USP34: variants seen among roughly 807,000 people sequenced by gnomAD.
The protein encoded by USP34 is ubiquitin carboxyl-terminal hydrolase 34.
In USP34, 70 loss-of-function variants were observed where a neutral mutation model predicts 460.3. The ratio of observed to expected loss-of-function variants is 0.15; its 90% CI spans 0.13 to 0.19. The LOEUF (loss-of-function observed/expected upper bound fraction) is 0.19, where lower values mean the gene tolerates loss of function less well. USP34 is among the 10% of genes least tolerant of loss of function. The pLI, the probability that USP34 is intolerant of heterozygous loss-of-function variation, is 1.00. For synonymous variants in USP34, 1,647 were observed against 1,405.3 expected (o/e 1.17, Z -3.85); for missense variants, 3,985 against 4,236.2 (o/e 0.94, Z 1.65).
At chr2:61,361,555 T>C (rs569117727) in intron 10 of USP34, among the ~76,000 whole-genome samples, 5 of 152,294 alleles carry the variant, frequency 3.3e-5, no homozygotes, top group South Asian at 2.1e-4. Flanking sequence ...GAACATATGA[T>C]AGGGAAAGGA....
chr2:61,241,690 T>G lies in USP34; in HGVS notation c.6682-35A>C. ...GCAAGAAAAAAATTTATTTTCATTTTGACAAAGTATTACTCTAAAAGTAGA... is the reference window on the plus strand; with the variant it reads ...GCAAGAAAAAAATTTATTTTCATTTGGACAAAGTATTACTCTAAAAGTAGA... On this transcript the variant is annotated intron_variant, in intron 52 of 79. Coordinates refer to ENST00000398571, the MANE Select transcript of USP34 (RefSeq NM_014709.4). The G allele has an allele frequency of 2.6e-6, 4 of 1,545,638 alleles. No homozygotes were observed. In the South Asian group the frequency reaches 3.6e-5, roughly 14 times the overall value.
At chr2:61,347,174 T>C (rs1691797119) in intron 15 of USP34, among the ~76,000 whole-genome samples, 1 of 151,796 alleles carries the variant, frequency 6.6e-6, no homozygotes, top group Admixed American at 6.6e-5. Flanking sequence ...AATAAATCAA[T>C]AAATATTTTA....
At chr2:61,308,072 A>G (rs1016703831) in intron 27 of USP34, among the ~76,000 whole-genome samples, 1 of 152,052 alleles carries the variant, frequency 6.6e-6, no homozygotes, top group African/African-American at 2.4e-5. Flanking sequence ...AATAAAAACA[A>G]AGTAACAGAA....
At chr2:61,446,104 ACT>A (rs1307876774) in intron 1 of USP34, among the ~76,000 whole-genome samples, 1 of 118,208 alleles carries the variant, frequency 8.5e-6, no homozygotes. Flanking sequence ...ACAGAGTCAG[ACT>A]CTGTCTCAAA....
At chr2:61,248,456 C>T in intron 49 of USP34, 55 bp downstream of exon 49, 1 of 1,474,266 alleles carries the variant, frequency 6.8e-7, no homozygotes, top group South Asian at 1.5e-5. Flanking sequence ...TTATGCCTAC[C>T]TTGTTATGGA....
chr2:61,465,490 CTG>C (rs2104115196), intron 1 of USP34, among the ~76,000 whole-genome samples: 1 of 152,340 alleles, frequency 6.6e-6, no homozygotes, highest in East Asian at 1.9e-4. Flanking sequence ...ATCAAAAAGT[CTG>C]TGCATATCTA....
chr2:61,298,176 A>C (rs1690093608), intron 29 of USP34, among the ~76,000 whole-genome samples: 1 of 151,878 alleles, frequency 6.6e-6, no homozygotes, highest in South Asian at 2.1e-4. Context: ...GGCCAAACCT[A>C]TCTTATTCAG....
At chr2:61,366,503 C>T (rs1422338867) in intron 10 of USP34, among the ~76,000 whole-genome samples, 2 of 152,110 alleles carry the variant, frequency 1.3e-5, no homozygotes, top group Non-Finnish European at 2.9e-5. Flanking sequence ...GAGATCTTCC[C>T]TGGGGGAGAA....
At chr2:61,243,780 A>G (rs1688343971) in intron 51 of USP34, among the ~76,000 whole-genome samples, 1 of 151,828 alleles carries the variant, frequency 6.6e-6, no homozygotes, top group Non-Finnish European at 1.5e-5. Flanking sequence ...CCGAGGCAGG[A>G]GAATCACTTG....
intron 62 of USP34, among the ~76,000 whole-genome samples, chr2:61,226,102 C>T (rs773903891): frequency 1.3e-5 from 2 of 152,182 alleles, no homozygotes; most frequent in Non-Finnish European, 2.9e-5. Context: ...GTTGGGACTA[C>T]AGGCGTGTGC....
chr2:61,283,268 A>C lies in USP34; in HGVS notation c.4875T>G (p.Val1625=). Residue 1625 remains valine, a splice_region_variant and synonymous_variant, in exon 37 of 80, where the codon GTT becomes GTG. Transcript: ENST00000398571. The part of the protein sequence containing the change: ...AQSDHRSRHE[V]SHYSMWLLVS... Reference sequence around the variant, plus strand: ...CCAAGAGCCACATTGAATAATGTGAAACTAAAGAAAAATTAGAAAACAGTT... The same window carrying C: ...CCAAGAGCCACATTGAATAATGTGACACTAAAGAAAAATTAGAAAACAGTT... 1 of 1,610,738 alleles carries C rather than the reference A, an allele frequency of 6.2e-7. No homozygotes were observed. Among genetic ancestry groups the C allele is most frequent in the Non-Finnish European group, 8.5e-7 (1 of 1,178,822 alleles).
chr2:61,429,074 G>A (rs1339946618), intron 1 of USP34, among the ~76,000 whole-genome samples: 2 of 152,158 alleles, frequency 1.3e-5, no homozygotes, highest in African/African-American at 4.8e-5. Flanking sequence ...GAAAAGGAGG[G>A]AGGATTGCTT....
chr2:61,320,464 A>C (rs1158600240), intron 21 of USP34, among the ~76,000 whole-genome samples: 1 of 151,956 alleles, frequency 6.6e-6, no homozygotes. Flanking sequence ...GAATGTGTAA[A>C]TTCTGCACAG....
intron 44 of USP34, among the ~76,000 whole-genome samples, chr2:61,258,892 T>C (rs1688794957): frequency 6.6e-6 from 1 of 152,130 alleles, no homozygotes; most frequent in Non-Finnish European, 1.5e-5. Context: ...CAACAGATTC[T>C]TCAAAGGACA....
chr2:61,455,438 A>G (rs1425386349), intron 1 of USP34, among the ~76,000 whole-genome samples: 5 of 152,246 alleles, frequency 3.3e-5, no homozygotes, highest in South Asian at 4.1e-4. Context: ...TTGGCCTCCC[A>G]AAGTGCTAGG....
chr2:61,355,872 T>C (rs2103798994), intron 10 of USP34, among the ~76,000 whole-genome samples: 1 of 152,244 alleles, frequency 6.6e-6, no homozygotes, highest in South Asian at 2.1e-4. Context: ...TTGCTTTATA[T>C]CCAAAGACAC....
At chr2:61,358,528 A>G (rs114355664) in intron 10 of USP34, among the ~76,000 whole-genome samples, 2,972 of 152,300 alleles carry the variant, frequency 0.02, 35 homozygotes, top group Middle Eastern at 0.054. Flanking sequence ...ATCATACTCA[A>G]TGATGAATAA....
intron 19 of USP34, among the ~76,000 whole-genome samples, chr2:61,333,301 A>C (rs1277827398): frequency 6.6e-6 from 1 of 152,066 alleles, no homozygotes; most frequent in Non-Finnish European, 1.5e-5. Context: ...AAGTGTTTCA[A>C]ATTTTTTCAG....
At chr2:61,445,082 C>T (rs1695070706) in intron 1 of USP34, among the ~76,000 whole-genome samples, 1 of 151,680 alleles carries the variant, frequency 6.6e-6, no homozygotes, top group Non-Finnish European at 1.5e-5. Context: ...AATTCATTAT[C>T]CTACTTCAGT....
Sources: gnomAD v4.1 joint callset for allele counts (sites outside exome capture counted in the v4.1 genomes callset) on GRCh38, gnomAD v4.1.1 for gene constraint, MANE v1.5 for transcripts, NCBI Gene and HGNC (gene_info 2026-07-23, HGNC 2026-07-21) for gene names.